Variants in CADM2 observed in about 807,000 individuals in gnomAD.
CADM2 encodes the protein immunoglobulin superfamily member 4D.
Under a neutral mutation model 49.8 loss-of-function variants are expected in CADM2, and 12 were observed. That is an observed-to-expected ratio of 0.24 (90% CI 0.15 to 0.39). CADM2 has a LOEUF of 0.39. Among genes scored for constraint, CADM2 ranks in the 10% least tolerant of loss-of-function variants. The pLI is 1.00. For synonymous variants in CADM2, 214 were observed against 175.4 expected (o/e 1.22, Z -1.74); for missense variants, 378 against 492.3 (o/e 0.77, Z 2.20).
chr3:86,014,156 C>T (rs1029910885), intron 8 of CADM2: 58 of 1,286,354 alleles, frequency 4.5e-5, no homozygotes, highest in Non-Finnish European at 5.9e-5. Flanking sequence ...TGGTGGAACT[C>T]CTGCAAGCAC....
chr3:85,671,045 T>C (rs1001145740), intron 1 of CADM2, among the ~76,000 whole-genome samples: 12 of 152,182 alleles, frequency 7.9e-5, no homozygotes, highest in African/African-American at 2.9e-4. Context: ...GCCAAATTTC[T>C]AGAAGACTTG....
intron 8 of CADM2, among the ~76,000 whole-genome samples, chr3:85,964,074 T>C (rs1475578533): frequency 1.3e-5 from 2 of 151,960 alleles, no homozygotes; most frequent in East Asian, 2.0e-4. Context: ...AATGTTTCAT[T>C]AGTCACTAGT....
intron 1 of CADM2, among the ~76,000 whole-genome samples, chr3:85,453,192 G>GTT (rs1012343517): frequency 7.9e-5 from 12 of 151,852 alleles, no homozygotes; most frequent in African/African-American, 2.9e-4. Context: ...TTTTGTTTGT[G>GTT]TTTTGTGTGT....
At chr3:85,942,789 A>G (rs2108559276) in intron 7 of CADM2, among the ~76,000 whole-genome samples, 1 of 152,198 alleles carries the variant, frequency 6.6e-6, no homozygotes, top group South Asian at 2.1e-4. Flanking sequence ...ATGTCGCAGT[A>G]AACATACGTG....
At chr3:85,010,417 T>A (rs1576025496) in intron 1 of CADM2, among the ~76,000 whole-genome samples, 1 of 152,196 alleles carries the variant, frequency 6.6e-6, no homozygotes, top group South Asian at 2.1e-4. Context: ...ATGCTAGCAC[T>A]ATAAAATGAA....
chr3:85,114,257 C>G (rs2038563196), intron 1 of CADM2, among the ~76,000 whole-genome samples: 2 of 151,878 alleles, frequency 1.3e-5, no homozygotes, highest in Non-Finnish European at 2.9e-5. Context: ...ATAGAGAAAA[C>G]CCCCATGGGC....
At chr3:85,829,694 C>T (rs1483291535) in intron 3 of CADM2, among the ~76,000 whole-genome samples, 3 of 151,868 alleles carry the variant, frequency 2.0e-5, no homozygotes, top group African/African-American at 7.3e-5. Flanking sequence ...TTTCCCAGTC[C>T]CGGGTAACCA....
chr3:85,448,265 G>A (rs2037566437), intron 1 of CADM2, among the ~76,000 whole-genome samples: 1 of 150,708 alleles, frequency 6.6e-6, no homozygotes, highest in Non-Finnish European at 1.5e-5. Context: ...CCCGGAAGGC[G>A]GAGCTTGCAG....
At chr3:85,881,220 G>GTAACGT (rs1376130521) in intron 3 of CADM2, among the ~76,000 whole-genome samples, 1 of 151,786 alleles carries the variant, frequency 6.6e-6, no homozygotes, top group Non-Finnish European at 1.5e-5. Flanking sequence ...ATTGGCTTTT[G>GTAACGT]TATTTTTATT....
chr3:85,954,107 C>A (rs1041022838), intron 7 of CADM2, among the ~76,000 whole-genome samples: 19 of 150,742 alleles, frequency 1.3e-4, no homozygotes, highest in Non-Finnish European at 2.2e-4. Context: ...TAAAGAATTG[C>A]TGCCATAAAA....
chr3:85,748,081 T>C (rs2068692646), intron 2 of CADM2, among the ~76,000 whole-genome samples: 1 of 152,146 alleles, frequency 6.6e-6, no homozygotes, highest in East Asian at 1.9e-4. Context: ...AAAATGCATG[T>C]GTGTGAAATT....
chr3:85,511,865 A>G (rs2040632424), intron 1 of CADM2: 1 of 983,688 alleles, frequency 1.0e-6, no homozygotes, highest in Non-Finnish European at 1.2e-6. Context: ...AGGTAAGCAC[A>G]TTAATCATTC....
chr3:85,141,342 T>C (rs2039569759), intron 1 of CADM2, among the ~76,000 whole-genome samples: 1 of 152,168 alleles, frequency 6.6e-6, no homozygotes, highest in South Asian at 2.1e-4. Flanking sequence ...CCTGATGGGA[T>C]ACAAATTTGA....
chr3:85,803,117 A>G (rs919028352), intron 3 of CADM2, among the ~76,000 whole-genome samples: 1 of 152,112 alleles, frequency 6.6e-6, no homozygotes, highest in East Asian at 1.9e-4. Flanking sequence ...TTTAATATGT[A>G]TTCATTATAT....
chr3:86,042,172 G>T (rs1249309524), intron 8 of CADM2, among the ~76,000 whole-genome samples: 1 of 152,146 alleles, frequency 6.6e-6, no homozygotes, highest in East Asian at 1.9e-4. Context: ...AAAAGAACTA[G>T]AGAAGCAAGA....
chr3:85,387,830 C>T (rs992923172), intron 1 of CADM2, among the ~76,000 whole-genome samples: 2 of 152,020 alleles, frequency 1.3e-5, no homozygotes, highest in African/African-American at 4.8e-5. Flanking sequence ...AAGATGGAAG[C>T]CTAGCTATAG....
chr3:85,303,813 T>C (rs952747384), intron 1 of CADM2, among the ~76,000 whole-genome samples: 1 of 151,840 alleles, frequency 6.6e-6, no homozygotes, highest in Non-Finnish European at 1.5e-5. Context: ...GATTCTTCGT[T>C]CCAATGTGAA....
intron 1 of CADM2, among the ~76,000 whole-genome samples, chr3:85,562,160 G>C (rs938695589): frequency 2.0e-5 from 3 of 152,062 alleles, no homozygotes; most frequent in Non-Finnish European, 4.4e-5. Context: ...GAATCAAAAA[G>C]TTTTGTGAAT....
chr3:85,529,101 G>C (rs1186481237), intron 1 of CADM2, among the ~76,000 whole-genome samples: 1 of 152,090 alleles, frequency 6.6e-6, no homozygotes, highest in African/African-American at 2.4e-5. Flanking sequence ...GGAATTATGT[G>C]GTCAAGGTCA....
Sources: allele counts gnomAD v4.1 joint callset (sites outside exome capture counted in the v4.1 genomes callset), GRCh38; gene constraint gnomAD v4.1.1; transcripts MANE v1.5; gene names NCBI Gene and HGNC (gene_info 2026-07-23, HGNC 2026-07-21).